MAS1: variants seen among roughly 807,000 people sequenced by gnomAD.
MAS1 encodes the protein proto-oncogene Mas.
For missense variants in MAS1, 387 were observed against 409.7 expected (o/e 0.94, Z 0.48); for synonymous variants, 163 against 164.2 (o/e 0.99, Z 0.05).
chr6:159,908,660 A>G lies in MAS1; in HGVS notation c.*727A>G, dbSNP rs542569179. 1.8e-4 allele frequency: 27 copies of G among 152,152 alleles called. No individual in the cohort carries two copies. The highest frequency in any genetic ancestry group is 6.5e-4 in the African/African-American group (27 of 41,504). The allele number at this position is 152,152 out of a possible 1,614,324, so 9.4% of individuals were successfully genotyped here. ...TTCATGGCATTACACCTCTATTGAAAAACATCGCGGATGTTATGATCTAAC... is the reference window on the plus strand; with the variant it reads ...TTCATGGCATTACACCTCTATTGAAGAACATCGCGGATGTTATGATCTAAC... On this transcript the variant is annotated 3_prime_UTR_variant, in exon 3 of 3. Coordinates refer to ENST00000674077, the MANE Select transcript of MAS1 (RefSeq NM_002377.4).
chr6:159,909,343 T>C lies in MAS1; in HGVS notation c.*1410T>C, dbSNP rs1253215816. 2 of 152,232 alleles carry C rather than the reference T, an allele frequency of 1.3e-5. No homozygotes were observed. The highest frequency in any genetic ancestry group is 1.3e-4 in the Admixed American group (2 of 15,282). 9.4% of individuals were successfully genotyped at this position (152,232 alleles called of 1,614,324 possible). A position where few individuals can be genotyped will look rare whatever the true frequency, so the allele number is the denominator to read the frequency against. ...TTTTAACCATTTGCTCTTTAAAAGG[T>C]CAGAGAGGCAGTGATGTAATTGTTC... On this transcript the variant is annotated 3_prime_UTR_variant, in exon 3 of 3. Transcript: ENST00000674077.
At chr6:159,890,392 C>T (rs534712727), upstream of MAS1, among the ~76,000 whole-genome samples, 16 of 152,314 alleles carry the variant, frequency 1.1e-4, no homozygotes, top group Admixed American at 5.2e-4. Context: ...CAGGCTGGGA[C>T]GCAGTCTGGG....
Position 159,898,775 on chromosome 6 carries a change from CCCCTTCTCCCTTCTTCTCCTTCTCCT to C in MAS1, c.-243-393_-243-368del, listed in dbSNP as rs1358510906. ...CTTCTCCTTCTCCCTGCTTCTCCTT[CCCCTTCTCCCTTCTTCTCCTTCTCCT>C]CCCTTCTCCCTTCTTCTTCTTTCTT... On this transcript the variant is annotated intron_variant, in intron 1 of 2. Coordinates refer to ENST00000674077, the MANE Select transcript of MAS1 (RefSeq NM_002377.4). Among the ~76,000 whole-genome samples the C allele has an allele frequency of 6.6e-5, 10 of 151,950 alleles. No homozygotes were observed. The Middle Eastern group carries it at 0.014, about 207-fold the overall frequency.
chr6:159,905,635 T>A (rs1021021998), intron 2 of MAS1, among the ~76,000 whole-genome samples: 5 of 152,248 alleles, frequency 3.3e-5, no homozygotes, highest in African/African-American at 1.2e-4. Context: ...GACTTGATTC[T>A]AGAAATGTCT....
At chr6:159,894,804 C>A (rs1782737450) in intron 1 of MAS1, among the ~76,000 whole-genome samples, 1 of 152,186 alleles carries the variant, frequency 6.6e-6, no homozygotes, top group Non-Finnish European at 1.5e-5. Flanking sequence ...AGCATGGTGT[C>A]CTTCATCAAT....
intron 2 of MAS1, chr6:159,902,447 G>A (rs1462859956): frequency 6.6e-6 from 1 of 152,308 alleles, no homozygotes; most frequent in East Asian, 1.9e-4. Flanking sequence ...GGGACTTAAT[G>A]CATGCAAAAG....
intron 1 of MAS1, among the ~76,000 whole-genome samples, chr6:159,897,748 G>T (rs960646860): frequency 6.6e-6 from 1 of 152,198 alleles, no homozygotes; most frequent in Non-Finnish European, 1.5e-5. Flanking sequence ...TGCAAAGGTG[G>T]TTTCAGGGTA....
At chr6:159,897,971 C>T (rs1013948376) in intron 1 of MAS1, among the ~76,000 whole-genome samples, 1 of 152,012 alleles carries the variant, frequency 6.6e-6, no homozygotes, top group Non-Finnish European at 1.5e-5. Context: ...TGGCTCACTG[C>T]ATCCTCTGTC....
In MAS1 at chr6:159,915,335, A is replaced by T. The variant is rs1212089505; in HGVS notation, c.*7402A>T. 6.6e-6 allele frequency: 1 copy of T among 152,198 alleles called. No individual in the cohort carries two copies. Among genetic ancestry groups the T allele is most frequent in the Admixed American group, 6.5e-5 (1 of 15,278 alleles). 9.4% of individuals were successfully genotyped at this position (152,198 alleles called of 1,614,324 possible). On this transcript the variant is annotated 3_prime_UTR_variant, in exon 3 of 3. Transcript: ENST00000674077. ...AGCCTCCCTGCCCCATAAACCTATA[A>T]ATCCCAAATTTATTTATAATAGACA...
rs1213594891 is a variant in MAS1, at chr6:159,912,228, C to T, written c.*4295C>T. The T allele has an allele frequency of 1.3e-5, 2 of 152,234 alleles. No homozygotes were observed. The highest frequency in any genetic ancestry group is 3.8e-4 in the East Asian group (2 of 5,204). The allele number at this position is 152,234 out of a possible 1,614,324, so 9.4% of individuals were successfully genotyped here. On this transcript the variant is annotated 3_prime_UTR_variant, in exon 3 of 3. Coordinates refer to ENST00000674077, the MANE Select transcript of MAS1 (RefSeq NM_002377.4). ...AGATGGAGATGGGATCGTTGGCTGC[C>T]TTCATGGAGTTGTTTAAGGAGCACT...
At chr6:159,898,508 C>T (rs1782779582) in intron 1 of MAS1, among the ~76,000 whole-genome samples, 2 of 144,282 alleles carry the variant, frequency 1.4e-5, no homozygotes, top group Admixed American at 6.8e-5. Flanking sequence ...CCTCCTCCTC[C>T]TCCTCCTCCT....
rs1038255263 is a variant in MAS1 at position 159,908,085 on chromosome 6, T to A, written c.*152T>A. On this transcript the variant is annotated 3_prime_UTR_variant, in exon 3 of 3. Transcript: ENST00000674077. ...ACTAATTAATGATGAAATTGAACTC[T>A]TGTACTGTATCTTCTGGAAATGACC... is the stretch of plus-strand genomic sequence containing the variant. The A allele has an allele frequency of 2.3e-5, 18 of 785,510 alleles. No homozygotes were observed. The highest frequency in any genetic ancestry group is 2.9e-5 in the Non-Finnish European group (15 of 525,070). The allele number at this position is 785,510 out of a possible 1,614,324, so 48.7% of individuals were successfully genotyped here.
chr6:159,915,290 A>T lies in MAS1; in HGVS notation c.*7357A>T, dbSNP rs1423130584. 1 of 152,232 alleles carries T rather than the reference A, an allele frequency of 6.6e-6. No individual in the cohort carries two copies. Among genetic ancestry groups the T allele is most frequent in the Admixed American group, 6.5e-5 (1 of 15,286 alleles). 9.4% of individuals were successfully genotyped at this position (152,232 alleles called of 1,614,324 possible). A position where few individuals can be genotyped will look rare whatever the true frequency, so the allele number is the denominator to read the frequency against. ...TACACAAGTAGAATATACTTATGTG[A>T]CTACCCGTACCCTTTCTCCAGCCTC... On this transcript the variant is annotated 3_prime_UTR_variant, in exon 3 of 3. Transcript: ENST00000674077.
In MAS1 at chr6:159,908,055, G is replaced by C. The variant is rs2115119857; in HGVS notation, c.*122G>C. ...GAAGAACATCTCATCCCATATGCAT[G>C]AGATACTAATTAATGATGAAATTGA... is the stretch of plus-strand genomic sequence containing the variant. On this transcript the variant is annotated 3_prime_UTR_variant, in exon 3 of 3. Coordinates refer to ENST00000674077, the MANE Select transcript of MAS1 (RefSeq NM_002377.4). 2 of 1,081,028 alleles carry C rather than the reference G, an allele frequency of 1.9e-6. No homozygotes were observed. The highest frequency in any genetic ancestry group is 2.6e-5 in the East Asian group (1 of 39,058). 67.0% of individuals were successfully genotyped at this position (1,081,028 alleles called of 1,614,324 possible).
chr6:159,900,371 T>G (rs1782808522), intron 2 of MAS1, among the ~76,000 whole-genome samples: 1 of 152,056 alleles, frequency 6.6e-6, no homozygotes, highest in African/African-American at 2.4e-5. Flanking sequence ...ATCCACAAAA[T>G]GACCAAGGAG....
At chr6:159,897,523 A>T (rs1437969251) in intron 1 of MAS1, among the ~76,000 whole-genome samples, 1 of 152,184 alleles carries the variant, frequency 6.6e-6, no homozygotes, top group Admixed American at 6.5e-5. Context: ...TGTTAGTCTT[A>T]CAAAGGCATT....
In MAS1 at chr6:159,910,493, A is replaced by G. The variant is rs549333671; in HGVS notation, c.*2560A>G. ...CTGGGGTTTCTCCTCAGCACTCATC[A>G]TGCCATATATCGATTTGCTTATTTG... On this transcript the variant is annotated 3_prime_UTR_variant, in exon 3 of 3. Transcript: ENST00000674077. 2 of 152,178 alleles carry G rather than the reference A, an allele frequency of 1.3e-5. No individual in the cohort carries two copies. Among genetic ancestry groups the G allele is most frequent in the Non-Finnish European group, 2.9e-5 (2 of 68,058 alleles). The allele number at this position is 152,178 out of a possible 1,614,324, so 9.4% of individuals were successfully genotyped here. A position where few individuals can be genotyped will look rare whatever the true frequency, so the allele number is the denominator to read the frequency against.
intron 1 of MAS1, among the ~76,000 whole-genome samples, chr6:159,892,597 A>G (rs377604385): frequency 6.6e-6 from 1 of 152,310 alleles, no homozygotes. Flanking sequence ...ACACTTGAGC[A>G]GCATAAATGT....
At chr6:159,905,054 T>A (rs532257831) in intron 2 of MAS1, among the ~76,000 whole-genome samples, 2 of 152,322 alleles carry the variant, frequency 1.3e-5, no homozygotes, top group South Asian at 4.1e-4. Context: ...CCTTTAATGA[T>A]GCTTTACTTT....
Sources: gnomAD v4.1 joint callset for allele counts (sites outside exome capture counted in the v4.1 genomes callset) on GRCh38, gnomAD v4.1.1 for gene constraint, MANE v1.5 for transcripts, NCBI Gene and HGNC (gene_info 2026-07-23, HGNC 2026-07-21) for gene names.